The following ANKRD28 variants were observed in gnomAD, a reference collection of about 807,000 sequenced individuals.
ANKRD28 encodes serine/threonine-protein phosphatase 6 regulatory ankyrin repeat subunit A.
Under a neutral mutation model 126.5 loss-of-function variants are expected in ANKRD28, and 44 were observed. The ratio of observed to expected loss-of-function variants is 0.35; its 90% CI spans 0.27 to 0.45. ANKRD28 has a LOEUF of 0.45. Among genes scored for constraint, ANKRD28 ranks in the 20% least tolerant of loss-of-function variants. ANKRD28 has a pLI of 1.00. For missense variants in ANKRD28, 1,110 were observed against 1,316.6 expected, an observed-to-expected ratio of 0.84 and a Z score of 2.43; for synonymous variants, 442 against 468.5, an observed-to-expected ratio of 0.94 and a Z score of 0.73.
intron 3 of ANKRD28, among the ~76,000 whole-genome samples, chr3:15,753,768 C>T (rs1175135988): frequency 1.3e-5 from 2 of 152,078 alleles, no homozygotes; most frequent in Admixed American, 1.3e-4. Flanking sequence ...CATGGTGAAA[C>T]CCTGCCTCTA....
chr3:15,732,450 A>G (rs533651227), intron 6 of ANKRD28: 1 of 152,444 alleles, frequency 6.6e-6, no homozygotes, highest in South Asian at 2.1e-4. Context: ...TGGTAAGACC[A>G]TGGTCAACTC....
intron 1 of ANKRD28, among the ~76,000 whole-genome samples, chr3:15,837,094 C>A (rs1396368984): frequency 1.7e-5 from 2 of 116,690 alleles, no homozygotes; most frequent in Non-Finnish European, 3.7e-5. Context: ...AGCAAGACTC[C>A]GTCTCAAAAA....
chr3:15,795,235 A>G lies in ANKRD28; in HGVS notation c.189T>C (p.Asp63=). ...TTAACTGTTTTACCTGAAAGTTAACATCTTCTTTCTTAAATATTAGTGCTC... is the reference window on the plus strand; with the variant it reads ...TTAACTGTTTTACCTGAAAGTTAACGTCTTCTTTCTTAAATATTAGTGCTC... ...EVRALIFKKE[D]VNFQDNEKRT... is the part of the protein sequence containing the mutation. Residue 63 remains aspartate (D), a synonymous_variant, in exon 2 of 28, where the codon GAT becomes GAC. Transcript: ENST00000683139. 2 of 1,610,486 alleles carry G rather than the reference A, an allele frequency of 1.2e-6. No individual in the cohort carries two copies. The highest frequency in any genetic ancestry group is 1.1e-5 in the South Asian group (1 of 90,978).
At chr3:15,741,394 G>A (rs1309261286) in intron 4 of ANKRD28, among the ~76,000 whole-genome samples, 1 of 152,098 alleles carries the variant, frequency 6.6e-6, no homozygotes, top group East Asian at 1.9e-4. Context: ...ATCATCATAA[G>A]CACACGGAAA....
At chr3:15,675,817 T>A (rs2066875952) in intron 27 of ANKRD28, 81 bp downstream of exon 27, 1 of 1,208,212 alleles carries the variant, frequency 8.3e-7, no homozygotes, top group Admixed American at 2.8e-5. Flanking sequence ...CAATAAAAAA[T>A]ATCCAAGTTT....
chr3:15,784,751 T>G (rs537971881), intron 2 of ANKRD28, among the ~76,000 whole-genome samples: 1 of 152,034 alleles, frequency 6.6e-6, no homozygotes, highest in Non-Finnish European at 1.5e-5. Context: ...CAAGTATATA[T>G]TGTCTGTAAA....
At chr3:15,805,027 T>C (rs1455371384) in intron 1 of ANKRD28, among the ~76,000 whole-genome samples, 1 of 145,662 alleles carries the variant, frequency 6.9e-6, no homozygotes, top group Admixed American at 6.8e-5. Context: ...ACGTAGCAGG[T>C]ACTTACGAAA....
intron 10 of ANKRD28, among the ~76,000 whole-genome samples, chr3:15,712,996 A>T (rs996492284): frequency 6.6e-6 from 1 of 152,224 alleles, no homozygotes; most frequent in African/African-American, 2.4e-5. Flanking sequence ...TGTTTCTTGC[A>T]GAGCATTAGC....
In ANKRD28 at chr3:15,675,998, A is replaced by G. The variant is rs751376985; in HGVS notation, c.2874-9T>C. On this transcript the variant is annotated splice_polypyrimidine_tract_variant and intron_variant, in intron 26 of 27. Coordinates refer to ENST00000683139, the MANE Select transcript of ANKRD28 (RefSeq NM_001349278.2). ...CAGCAACATGCAGAGGTCTAGGGGAAAAAACATGATACATGTACACATATG... is the reference window on the plus strand; with the variant it reads ...CAGCAACATGCAGAGGTCTAGGGGAGAAAACATGATACATGTACACATATG... 7.5e-6 allele frequency: 12 copies of G among 1,608,328 alleles called. No homozygotes were observed. The highest frequency in any genetic ancestry group is 1.0e-5 in the Non-Finnish European group (12 of 1,176,644).
intron 17 of ANKRD28, among the ~76,000 whole-genome samples, chr3:15,690,958 C>T (rs1460236445): frequency 6.6e-6 from 1 of 152,102 alleles, no homozygotes; most frequent in Non-Finnish European, 1.5e-5. Flanking sequence ...ATTCGGATTT[C>T]TCAAATTAAA....
chr3:15,751,864 A>G, intron 3 of ANKRD28, 44 bp from the exon 4 acceptor site: 4 of 1,270,576 alleles, frequency 3.1e-6, no homozygotes, highest in South Asian at 1.4e-5. Context: ...TGTACATAAA[A>G]TATTTTTAAT....
At chr3:15,739,225 T>C (rs1281750312) in intron 4 of ANKRD28, among the ~76,000 whole-genome samples, 1 of 152,172 alleles carries the variant, frequency 6.6e-6, no homozygotes, top group African/African-American at 2.4e-5. Flanking sequence ...AAGACAGGCA[T>C]AGGAAATCAC....
chr3:15,829,234 AATT>A (rs1307147165), intron 1 of ANKRD28, among the ~76,000 whole-genome samples: 7 of 152,148 alleles, frequency 4.6e-5, no homozygotes, highest in African/African-American at 1.7e-4. Flanking sequence ...TTATTAAAAT[AATT>A]ATTTTTTTAA....
intron 3 of ANKRD28, among the ~76,000 whole-genome samples, chr3:15,760,240 T>G (rs2058383154): frequency 6.6e-6 from 1 of 152,170 alleles, no homozygotes; most frequent in Non-Finnish European, 1.5e-5. Flanking sequence ...TAATGGGAAC[T>G]AGGCTTAATA....
chr3:15,786,740 T>C (rs960330985), intron 2 of ANKRD28, among the ~76,000 whole-genome samples: 2 of 152,112 alleles, frequency 1.3e-5, no homozygotes, highest in East Asian at 1.9e-4. Context: ...ATTTTTGCTA[T>C]ACCATATAAC....
intron 1 of ANKRD28, among the ~76,000 whole-genome samples, chr3:15,842,328 C>T (rs1466865166): frequency 1.3e-5 from 2 of 151,660 alleles, no homozygotes; most frequent in African/African-American, 4.8e-5. Context: ...CATGTTCTCA[C>T]TTATTTGTGG....
chr3:15,738,928 T>A (rs894246445), intron 4 of ANKRD28: 1 of 152,154 alleles, frequency 6.6e-6, no homozygotes, highest in African/African-American at 2.4e-5. Flanking sequence ...AGGAATGCAT[T>A]CTCTTTCTCA....
intron 3 of ANKRD28, among the ~76,000 whole-genome samples, chr3:15,761,242 AC>A (rs1411443519): frequency 2.6e-5 from 4 of 152,198 alleles, no homozygotes; most frequent in Non-Finnish European, 5.9e-5. Context: ...TTAAGATTAT[AC>A]CTACCTGCTA....
Position 15,751,830 on chromosome 3 carries a change from G to C in ANKRD28, c.281-10C>G. The C allele has an allele frequency of 6.5e-7, 1 of 1,533,546 alleles. No individual in the cohort carries two copies. Among genetic ancestry groups the C allele is most frequent in the Admixed American group, 1.9e-5 (1 of 51,306 alleles). The allele number at this position is 1,533,546 out of a possible 1,614,324, so 95.0% of individuals were successfully genotyped here. ...GCATTAACTCTAGCTCCTGCAACAAGAAGAAAAAAATAAATTGAAATATTG... is the reference window on the plus strand; with the variant it reads ...GCATTAACTCTAGCTCCTGCAACAACAAGAAAAAAATAAATTGAAATATTG... On this transcript the variant is annotated splice_polypyrimidine_tract_variant and intron_variant, in intron 3 of 27. Coordinates refer to ENST00000683139, the MANE Select transcript of ANKRD28 (RefSeq NM_001349278.2).
Sources: allele counts gnomAD v4.1 joint callset (sites outside exome capture counted in the v4.1 genomes callset), GRCh38; gene constraint gnomAD v4.1.1; transcripts MANE v1.5; gene names NCBI Gene and HGNC (gene_info 2026-07-23, HGNC 2026-07-21).